Variants in UNC5D observed in about 807,000 individuals in gnomAD.
The protein encoded by UNC5D is netrin receptor UNC5D.
Under a neutral mutation model 105.4 loss-of-function variants are expected in UNC5D, and 39 were observed. That is an observed-to-expected ratio of 0.37 (90% CI 0.29 to 0.48). The LOEUF (loss-of-function observed/expected upper bound fraction) is 0.48, where lower values mean the gene tolerates loss of function less well. UNC5D is among the 20% of genes least tolerant of loss of function. The probability of loss-of-function intolerance (pLI) is 0.98; values close to 1 mark genes in which losing one functional copy is unlikely to be tolerated. For synonymous variants in UNC5D, 452 were observed against 450.4 expected, an observed-to-expected ratio of 1.00 and a Z score of -0.04; for missense variants, 991 against 1,202.4, an observed-to-expected ratio of 0.82 and a Z score of 2.60.
At chr8:35,240,761 A>G (rs543569668) in intron 1 of UNC5D, among the ~76,000 whole-genome samples, 2 of 152,334 alleles carry the variant, frequency 1.3e-5, no homozygotes, top group East Asian at 3.9e-4. Context: ...TATCTTTATT[A>G]CTATCAAGAG....
chr8:35,705,765 A>T (rs1033385531), intron 7 of UNC5D, among the ~76,000 whole-genome samples, 164 bp from the exon 8 acceptor site: 6 of 152,194 alleles, frequency 3.9e-5, no homozygotes, highest in Non-Finnish European at 7.3e-5. Flanking sequence ...AAATTTTTTT[A>T]AAAAATAGAA....
chr8:35,433,890 A>G (rs1376665093), intron 1 of UNC5D, among the ~76,000 whole-genome samples: 1 of 151,604 alleles, frequency 6.6e-6, no homozygotes, highest in East Asian at 1.9e-4. Flanking sequence ...AGAAAATACT[A>G]TATTCTCATT....
intron 2 of UNC5D, among the ~76,000 whole-genome samples, chr8:35,550,551 A>G (rs765219395): frequency 1.3e-5 from 2 of 152,192 alleles, no homozygotes; most frequent in Non-Finnish European, 2.9e-5. Context: ...ACTATATAGC[A>G]ACGATATTCT....
chr8:35,306,365 T>G (rs755954274), intron 1 of UNC5D, among the ~76,000 whole-genome samples: 1 of 152,064 alleles, frequency 6.6e-6, no homozygotes, highest in Non-Finnish European at 1.5e-5. Flanking sequence ...TAAAATATAA[T>G]TTTATAAGCA....
At position 35,791,277 on chromosome 8, in the gene UNC5D, G is replaced by A. The variant is rs987352205; in HGVS notation, c.*714G>A. The A allele has an allele frequency of 1.3e-5, 2 of 152,858 alleles. No individual in the cohort carries two copies. 9.5% of individuals were successfully genotyped at this position (152,858 alleles called of 1,614,324 possible). A position where few individuals can be genotyped will look rare whatever the true frequency, so the allele number is the denominator to read the frequency against. ...CTTCCTTACCCCTTGCAGTAGGGAG[G>A]TATCAAGGAGCATAATTAAACTTGT... On this transcript the variant is annotated 3_prime_UTR_variant, in exon 17 of 17. Transcript: ENST00000404895.
intron 1 of UNC5D, among the ~76,000 whole-genome samples, chr8:35,490,660 C>G (rs1327440770): frequency 6.6e-6 from 1 of 152,106 alleles, no homozygotes; most frequent in African/African-American, 2.4e-5. Context: ...TATGTAATGC[C>G]TTAGATTGGT....
chr8:35,546,227 G>A (rs1024529779), intron 1 of UNC5D, among the ~76,000 whole-genome samples: 4 of 152,074 alleles, frequency 2.6e-5, no homozygotes, highest in African/African-American at 9.7e-5. Flanking sequence ...GGATCCTCGG[G>A]TAGCTAGGAC....
chr8:35,363,610 A>G (rs1473287611), intron 1 of UNC5D, among the ~76,000 whole-genome samples: 1 of 152,132 alleles, frequency 6.6e-6, no homozygotes, highest in Non-Finnish European at 1.5e-5. Context: ...TCTGCATTGT[A>G]TTAGGAGGCA....
chr8:35,441,927 A>T (rs568198385), intron 1 of UNC5D, among the ~76,000 whole-genome samples: 5 of 151,960 alleles, frequency 3.3e-5, no homozygotes, highest in African/African-American at 1.2e-4. Context: ...GTGCCAATAG[A>T]ATTCTGATTC....
At chr8:35,399,283 T>C (rs1018706709) in intron 1 of UNC5D, among the ~76,000 whole-genome samples, 1 of 152,088 alleles carries the variant, frequency 6.6e-6, no homozygotes, top group Non-Finnish European at 1.5e-5. Flanking sequence ...AGACTCTTCA[T>C]GCTATGCAGA....
chr8:35,371,238 C>A (rs551891163), intron 1 of UNC5D, among the ~76,000 whole-genome samples: 1 of 152,018 alleles, frequency 6.6e-6, no homozygotes, highest in Non-Finnish European at 1.5e-5. Context: ...GAGAACACAG[C>A]ATTTTAGATA....
At chr8:35,722,622 A>G (rs754778675) in intron 9 of UNC5D, among the ~76,000 whole-genome samples, 1 of 152,188 alleles carries the variant, frequency 6.6e-6, no homozygotes, top group Non-Finnish European at 1.5e-5. Flanking sequence ...AACATTTTCA[A>G]TGAGGCATTT....
At chr8:35,511,234 C>A (rs1484851120) in intron 1 of UNC5D, among the ~76,000 whole-genome samples, 1 of 152,138 alleles carries the variant, frequency 6.6e-6, no homozygotes, top group African/African-American at 2.4e-5. Flanking sequence ...TGTGTAAATA[C>A]AATGAACATG....
intron 2 of UNC5D, among the ~76,000 whole-genome samples, chr8:35,561,411 C>G (rs73674023): frequency 0.23 from 34,565 of 152,084 alleles, 6,079 homozygotes; most frequent in African/African-American, 0.48. Flanking sequence ...GCTTCCCCAT[C>G]TGGCTCTATG....
At chr8:35,384,681 T>C (rs1803272108) in intron 1 of UNC5D, among the ~76,000 whole-genome samples, 1 of 152,244 alleles carries the variant, frequency 6.6e-6, no homozygotes, top group Non-Finnish European at 1.5e-5. Context: ...CCCACATTTA[T>C]AGCTTGTGCC....
intron 4 of UNC5D, among the ~76,000 whole-genome samples, chr8:35,649,913 T>A (rs1398504899): frequency 6.6e-6 from 1 of 152,116 alleles, no homozygotes; most frequent in African/African-American, 2.4e-5. Context: ...CTCGTCTCCA[T>A]CCTGGAACAG....
chr8:35,663,421 G>T (rs1318689855), intron 4 of UNC5D, among the ~76,000 whole-genome samples: 2 of 152,172 alleles, frequency 1.3e-5, no homozygotes, highest in Non-Finnish European at 2.9e-5. Context: ...ACCATTGATT[G>T]CAATAGCAAC....
intron 16 of UNC5D, among the ~76,000 whole-genome samples, chr8:35,784,857 C>T (rs1802672481): frequency 1.3e-5 from 2 of 152,130 alleles, no homozygotes; most frequent in African/African-American, 4.8e-5. Flanking sequence ...GAATTACCTC[C>T]ATTGATCAGA....
Position 35,578,148 on chromosome 8 carries a change from C to A in UNC5D, c.466+9907C>A, listed in dbSNP as rs1320700531. ...GCTGAGATAGGAGAATCGCTTGAAC[C>A]CAGGAGGCTCAGGTTGCAGTGAGCA... On this transcript the variant is annotated intron_variant, in intron 3 of 16. Transcript: ENST00000404895. Among the ~76,000 whole-genome samples, 3 of 150,096 alleles carry A rather than the reference C, an allele frequency of 2.0e-5. No individual in the cohort carries two copies. The East Asian group carries it at 5.9e-4, about 29-fold the overall frequency.
Sources: gnomAD v4.1 joint callset for allele counts (sites outside exome capture counted in the v4.1 genomes callset) on GRCh38, gnomAD v4.1.1 for gene constraint, MANE v1.5 for transcripts, NCBI Gene and HGNC (gene_info 2026-07-23, HGNC 2026-07-21) for gene names.